The following USH2A variants were observed in gnomAD, a reference collection of about 807,000 sequenced individuals.
USH2A encodes usherin, also known as Usher syndrome 2A (autosomal recessive, mild).
Under a neutral mutation model 538.9 loss-of-function variants are expected in USH2A, and 443 were observed. That is an observed-to-expected ratio of 0.82 (90% CI 0.76 to 0.89). The LOEUF is 0.89. Ranked by LOEUF, USH2A falls within the 40% of genes least tolerant of loss-of-function variation. USH2A has a pLI of 0.00. For synonymous variants in USH2A, 2,413 were observed against 2,273.5 expected (o/e 1.06, Z -1.75); for missense variants, 6,633 against 6,324.8 (o/e 1.05, Z -1.65).
intron 11 of USH2A, among the ~76,000 whole-genome samples, chr1:216,273,973 A>C (rs935326432): frequency 8.5e-5 from 13 of 152,108 alleles, no homozygotes; most frequent in African/African-American, 2.7e-4. Flanking sequence ...TTGATTTCCC[A>C]CAACCAAATA....
intron 4 of USH2A, among the ~76,000 whole-genome samples, chr1:216,328,394 C>A (rs2037779136): frequency 6.6e-6 from 1 of 151,574 alleles, no homozygotes; most frequent in Non-Finnish European, 1.5e-5. Flanking sequence ...CTTACTGAGA[C>A]AAATAAGCCC....
intron 19 of USH2A, among the ~76,000 whole-genome samples, chr1:216,191,893 C>T (rs1272902212): frequency 2.6e-5 from 4 of 152,060 alleles, no homozygotes; most frequent in Non-Finnish European, 5.9e-5. Context: ...AAGAAGAAAT[C>T]TACACTAATA....
At position 215,648,535 on chromosome 1, in the gene USH2A, T is replaced by A; in HGVS notation, c.14575A>T (p.Ile4859Phe). ...WSPPMFPNGV[I>F]HSYELQFHVA... Reference sequence around the variant, plus strand: ...TTCTGCCTGACCCATTACCTGTGAATGACACCATTGGGGAACATGGGGGGA... The same window carrying A: ...TTCTGCCTGACCCATTACCTGTGAAAGACACCATTGGGGAACATGGGGGGA... The change falls in exon 66 of 72, where the codon ATT becomes TTT. Residue 4859 changes from isoleucine (I) to phenylalanine (F), a missense_variant. Transcript: ENST00000307340. 6.2e-7 allele frequency: 1 copy of A among 1,614,164 alleles called. No homozygotes were observed. Among genetic ancestry groups the A allele is most frequent in the Non-Finnish European group, 8.5e-7 (1 of 1,180,008 alleles).
chr1:215,866,955 A>C, intron 44 of USH2A, 52 bp downstream of exon 44: 1 of 1,612,536 alleles, frequency 6.2e-7, no homozygotes, highest in Non-Finnish European at 8.5e-7. Flanking sequence ...AAGAAAGAAT[A>C]TGCTTTTAAA....
chr1:216,406,155 G>T (rs753308626), intron 3 of USH2A, among the ~76,000 whole-genome samples: 37 of 152,116 alleles, frequency 2.4e-4, no homozygotes, highest in Non-Finnish European at 4.4e-4. Context: ...AAATCATATG[G>T]ATCTAAACAT....
At chr1:216,378,318 T>C (rs1214176266) in intron 3 of USH2A, among the ~76,000 whole-genome samples, 2 of 152,204 alleles carry the variant, frequency 1.3e-5, no homozygotes, top group African/African-American at 4.8e-5. Flanking sequence ...TCATTGGTAC[T>C]TTACATCTCC....
chr1:215,923,620 A>C (rs977616808), intron 38 of USH2A, among the ~76,000 whole-genome samples: 1 of 152,086 alleles, frequency 6.6e-6, no homozygotes, highest in Non-Finnish European at 1.5e-5. Context: ...CACACAGCGC[A>C]TGTGCATGTT....
At chr1:215,817,307 A>G (rs1388846034) in intron 47 of USH2A, 112 bp from the exon 48 acceptor site, 12 of 481,048 alleles carry the variant, frequency 2.5e-5, no homozygotes, top group Non-Finnish European at 3.7e-5. Context: ...ATATAATTAT[A>G]TATGTTTATA....
At chr1:216,330,848 G>A (rs902127965) in intron 4 of USH2A, among the ~76,000 whole-genome samples, 1 of 151,958 alleles carries the variant, frequency 6.6e-6, no homozygotes, top group Non-Finnish European at 1.5e-5. Flanking sequence ...AAAAATGTTG[G>A]CAGTCAGACC....
At chr1:215,642,871 C>G (rs923449806) in intron 67 of USH2A, among the ~76,000 whole-genome samples, 1 of 152,130 alleles carries the variant, frequency 6.6e-6, no homozygotes, top group African/African-American at 2.4e-5. Context: ...CACCTCACCT[C>G]TCTCTCCACT....
chr1:215,796,265 A>AT (rs142275740), intron 50 of USH2A, among the ~76,000 whole-genome samples: 1 of 151,992 alleles, frequency 6.6e-6, no homozygotes, highest in East Asian at 1.9e-4. Context: ...CAGAGACTGC[A>AT]TTTTTTTACA....
intron 37 of USH2A, among the ~76,000 whole-genome samples, chr1:215,947,960 T>C (rs1192114141): frequency 1.3e-5 from 2 of 152,074 alleles, no homozygotes; most frequent in Admixed American, 1.3e-4. Context: ...AGAAAATCTA[T>C]TATCATGAAG....
At chr1:216,263,942 A>G (rs1369795716) in intron 11 of USH2A, among the ~76,000 whole-genome samples, 4 of 152,162 alleles carry the variant, frequency 2.6e-5, no homozygotes, top group Non-Finnish European at 5.9e-5. Flanking sequence ...TCAAATCAAT[A>G]TATAAAAATT....
intron 9 of USH2A, among the ~76,000 whole-genome samples, chr1:216,307,694 A>G (rs984772922): frequency 2.0e-5 from 3 of 152,136 alleles, no homozygotes; most frequent in African/African-American, 4.8e-5. Flanking sequence ...AGTCCTACCC[A>G]AGGACCCTAG....
intron 46 of USH2A, among the ~76,000 whole-genome samples, chr1:215,842,221 T>C (rs1261943026): frequency 3.3e-5 from 5 of 152,144 alleles, no homozygotes; most frequent in Non-Finnish European, 5.9e-5. Context: ...TCAACATAAC[T>C]GATCATTACA....
At chr1:215,737,433 T>G (rs1421335181) in intron 60 of USH2A, among the ~76,000 whole-genome samples, 2 of 151,936 alleles carry the variant, frequency 1.3e-5, no homozygotes, top group Non-Finnish European at 2.9e-5. Flanking sequence ...AGTCCTAGTC[T>G]CAATGACATC....
At chr1:215,759,133 A>G (rs1660900237) in intron 57 of USH2A, among the ~76,000 whole-genome samples, 1 of 152,196 alleles carries the variant, frequency 6.6e-6, no homozygotes, top group Non-Finnish European at 1.5e-5. Flanking sequence ...ATTCCTTACA[A>G]TAAAATGAAA....
intron 32 of USH2A, among the ~76,000 whole-genome samples, chr1:216,016,312 T>C (rs954149604): frequency 6.6e-6 from 1 of 152,100 alleles, no homozygotes; most frequent in Non-Finnish European, 1.5e-5. Context: ...CTGCACGTTT[T>C]GCACATGTAC....
At chr1:215,874,437 T>C (rs543073622) in intron 43 of USH2A, among the ~76,000 whole-genome samples, 4 of 152,326 alleles carry the variant, frequency 2.6e-5, no homozygotes, top group Middle Eastern at 3.4e-3. Flanking sequence ...TTGTTAGAAT[T>C]AAATTATCTG....
Sources: gnomAD v4.1 joint callset for allele counts (sites outside exome capture counted in the v4.1 genomes callset) on GRCh38, gnomAD v4.1.1 for gene constraint, MANE v1.5 for transcripts, NCBI Gene and HGNC (gene_info 2026-07-23, HGNC 2026-07-21) for gene names.